The following ZNF273 variants were observed in gnomAD, a reference collection of about 807,000 sequenced individuals.
The protein encoded by ZNF273 is zinc finger protein 273.
Under a neutral mutation model 14.9 loss-of-function variants are expected in ZNF273, and 11 were observed. The ratio of observed to expected loss-of-function variants is 0.74; its 90% CI spans 0.46 to 1.22. ZNF273 has a LOEUF of 1.22. ZNF273 is among the 50% of genes most tolerant of loss of function. ZNF273 has a pLI of 0.00. For missense variants in ZNF273, 577 were observed against 660.6 expected, an observed-to-expected ratio of 0.87 and a Z score of 1.39; for synonymous variants, 199 against 223.9, an observed-to-expected ratio of 0.89 and a Z score of 0.99.
Position 64,928,834 on chromosome 7 carries a change from T to G in ZNF273, c.1506T>G (p.Thr502=), listed in dbSNP as rs759978777. Residue 502 remains threonine, a synonymous_variant, in exon 4 of 4, where the codon ACT becomes ACG. Coordinates refer to ENST00000476120, the MANE Select transcript of ZNF273 (RefSeq NM_021148.3). ...CCTTTAACTGGTCCTCAACTCTTACTAAACATAAGAGAATTCATACTGGAG... is the reference window on the plus strand; with the variant it reads ...CCTTTAACTGGTCCTCAACTCTTACGAAACATAAGAGAATTCATACTGGAG... ...GKAFNWSSTL[T]KHKRIHTGEK... is the part of the protein sequence containing the mutation. The G allele has an allele frequency of 3.7e-6, 6 of 1,613,796 alleles. No homozygotes were observed. The highest frequency in any genetic ancestry group is 5.1e-6 in the Non-Finnish European group (6 of 1,179,952).
intron 3 of ZNF273, among the ~76,000 whole-genome samples, chr7:64,920,549 C>T (rs903639687): frequency 6.6e-6 from 1 of 152,334 alleles, no homozygotes; most frequent in Non-Finnish European, 1.5e-5. Flanking sequence ...CTCTCCCAGA[C>T]TGTGGCTGGG....
chr7:64,906,748 T>A (rs903621963), intron 1 of ZNF273, among the ~76,000 whole-genome samples: 1 of 152,022 alleles, frequency 6.6e-6, no homozygotes, highest in African/African-American at 2.4e-5. Flanking sequence ...AAAGTTAAGA[T>A]GGAAGGGGAT....
intron 3 of ZNF273, among the ~76,000 whole-genome samples, chr7:64,925,718 A>C (rs554163281): frequency 5.3e-5 from 8 of 151,542 alleles, no homozygotes; most frequent in Non-Finnish European, 1.0e-4. Flanking sequence ...AATTACAGGC[A>C]TGAGCTACCA....
In ZNF273 at chr7:64,917,710, G is replaced by T; in HGVS notation, c.229+3G>T. On this transcript the variant is annotated splice_donor_region_variant and intron_variant, in intron 2 of 3. Transcript: ENST00000476120. The stretch of plus-strand genomic sequence containing the variant: ...CTACAGAAACCTGGTCTTCCTGGGT[G>T]AGGATAATTTTAATACATAATTTAA... 6.3e-7 allele frequency: 1 copy of T among 1,583,028 alleles called. No individual in the cohort carries two copies. The highest frequency in any genetic ancestry group is 1.1e-5 in the South Asian group (1 of 89,124).
upstream of ZNF273, among the ~76,000 whole-genome samples, chr7:64,900,559 G>T (rs1328597647): frequency 6.6e-6 from 1 of 152,126 alleles, no homozygotes; most frequent in Non-Finnish European, 1.5e-5. Flanking sequence ...AGCCAGGTGT[G>T]TTCAACATGG....
intron 1 of ZNF273, among the ~76,000 whole-genome samples, chr7:64,904,799 C>A (rs1251102330): frequency 1.3e-5 from 2 of 152,104 alleles, no homozygotes; most frequent in African/African-American, 4.8e-5. Flanking sequence ...GTAAAAAAAT[C>A]TCTGTGCCTC....
At position 64,903,364 on chromosome 7, in the gene ZNF273, C is replaced by T. The variant is rs138776118; in HGVS notation, c.47C>T (p.Ala16Val). The change falls in exon 1 of 4, where the codon GCA (alanine) becomes GTA (valine). Residue 16 changes from alanine to valine, a missense_variant. By Grantham distance (64) the Ala-to-Val change is moderately conservative. Transcript: ENST00000476120. ...CCACCTTCTGTGGCCCCGTTACCTG[C>T]AGGTATTGGGAGATCCACAGCTAAG... The part of the protein sequence containing the change: ...RGPPSVAPLP[A>V]GIGRSTAKTP... The T allele has an allele frequency of 6.2e-7, 1 of 1,613,566 alleles. No individual in the cohort carries two copies.
intron 3 of ZNF273, among the ~76,000 whole-genome samples, chr7:64,922,657 C>G (rs1359871417): frequency 6.6e-6 from 1 of 151,960 alleles, no homozygotes; most frequent in Non-Finnish European, 1.5e-5. Flanking sequence ...CCATGTTACC[C>G]AGGCTGGTCT....
Position 64,928,267 on chromosome 7 carries a change from A to G in ZNF273, c.939A>G (p.Thr313=). 1 of 1,612,466 alleles carries G rather than the reference A, an allele frequency of 6.2e-7. No individual in the cohort carries two copies. Among genetic ancestry groups the G allele is most frequent in the Middle Eastern group, 1.7e-4 (1 of 6,046 alleles). Residue 313 remains threonine, a synonymous_variant, in exon 4 of 4, where the codon ACA becomes ACG. Coordinates refer to ENST00000476120, the MANE Select transcript of ZNF273 (RefSeq NM_021148.3). ...TTACTAAACATAAGATAATTCATAC[A>G]GGAACAAAACCCTACAATTGTGAAG... is the stretch of plus-strand genomic sequence containing the variant. ...SVLTKHKIIH[T]GTKPYNCEEC... is the part of the protein sequence containing the mutation.
At chr7:64,920,006 C>T (rs1794310867) in intron 3 of ZNF273, among the ~76,000 whole-genome samples, 2 of 151,604 alleles carry the variant, frequency 1.3e-5, no homozygotes, top group South Asian at 2.1e-4. Context: ...GCATTGGTGT[C>T]TGTGAATTTG....
intron 3 of ZNF273, chr7:64,923,724 A>G (rs575133049): frequency 1.0e-5 from 2 of 193,426 alleles, no homozygotes; most frequent in South Asian, 1.7e-4. Context: ...GGCTTTCAGT[A>G]ACAATGGTAT....
chr7:64,882,123 C>A (rs1453522669), downstream of ZNF273, among the ~76,000 whole-genome samples: 1 of 152,148 alleles, frequency 6.6e-6, no homozygotes, highest in Non-Finnish European at 1.5e-5. Flanking sequence ...TCAAGGGCCC[C>A]GCAATCTTCC....
downstream of ZNF273, chr7:64,893,553 C>T (rs3829004): frequency 1.3e-5 from 2 of 152,156 alleles, no homozygotes; most frequent in African/African-American, 2.4e-5. Context: ...TCTTGAGGGC[C>T]GGTATGAACA....
intron 1 of ZNF273, among the ~76,000 whole-genome samples, chr7:64,885,117 C>A (rs1791501335): frequency 6.6e-6 from 1 of 152,340 alleles, no homozygotes; most frequent in African/African-American, 2.4e-5. Flanking sequence ...GACCAGGGGA[C>A]CTTTGTGGAC....
downstream of ZNF273, among the ~76,000 whole-genome samples, chr7:64,932,506 G>A (rs1231138914): frequency 6.6e-6 from 1 of 151,972 alleles, no homozygotes; most frequent in African/African-American, 2.4e-5. Context: ...GTTTCTCCAT[G>A]TTGGTGAGGC....
intron 1 of ZNF273, among the ~76,000 whole-genome samples, chr7:64,912,826 G>GTTTTTTGTTGTTGTTTT: frequency 8.2e-5 from 3 of 36,572 alleles, no homozygotes; most frequent in Non-Finnish European, 1.7e-4. Flanking sequence ...ATTCATTTTA[G>GTTTTTTGTTGTTGTTTT]TTTTTTTTTT....
rs751679889 is a variant in ZNF273, at chr7:64,927,643, A to C, written c.326-11A>C. Reference sequence around the variant, plus strand: ...AGTAAGTGGGGTAATTGTTACTTTTATTTCTTTCAGTTGTGTGTTCTCATT... The same window carrying C: ...AGTAAGTGGGGTAATTGTTACTTTTCTTTCTTTCAGTTGTGTGTTCTCATT... On this transcript the variant is annotated splice_polypyrimidine_tract_variant and intron_variant, in intron 3 of 3. Coordinates refer to ENST00000476120, the MANE Select transcript of ZNF273 (RefSeq NM_021148.3). 8 of 1,542,892 alleles carry C rather than the reference A, an allele frequency of 5.2e-6. No homozygotes were observed. The highest frequency in any genetic ancestry group is 2.2e-5 in the Admixed American group (1 of 45,966).
At chr7:64,932,051 A>T (rs898585779), downstream of ZNF273, among the ~76,000 whole-genome samples, 2 of 152,068 alleles carry the variant, frequency 1.3e-5, no homozygotes, top group Non-Finnish European at 2.9e-5. Context: ...ATGTCATTTC[A>T]CATGGTAATT....
downstream of ZNF273, among the ~76,000 whole-genome samples, chr7:64,880,900 C>T (rs1791231119): frequency 6.6e-6 from 1 of 152,124 alleles, no homozygotes; most frequent in Admixed American, 6.5e-5. Flanking sequence ...AGGCACTTCA[C>T]GTCGTGAGGC....
Sources: gnomAD v4.1 joint callset for allele counts (sites outside exome capture counted in the v4.1 genomes callset) on GRCh38, gnomAD v4.1.1 for gene constraint, MANE v1.5 for transcripts, NCBI Gene and HGNC (gene_info 2026-07-23, HGNC 2026-07-21) for gene names.